MLLT3: variants seen among roughly 807,000 people sequenced by gnomAD.
MLLT3 encodes protein AF-9.
In MLLT3, 4 loss-of-function variants were observed where a neutral mutation model predicts 53.2. The ratio of observed to expected loss-of-function variants is 0.08; its 90% CI spans 0.04 to 0.17. The LOEUF is 0.17. Among genes scored for constraint, MLLT3 ranks in the 10% least tolerant of loss-of-function variants. MLLT3 has a pLI of 1.00. For missense variants in MLLT3, 569 were observed against 684.0 expected (o/e 0.83, Z 1.87); for synonymous variants, 283 against 230.6 (o/e 1.23, Z -2.06).
intron 2 of MLLT3, among the ~76,000 whole-genome samples, chr9:20,536,861 A>T (rs892866343): frequency 1.2e-4 from 19 of 152,148 alleles, no homozygotes; most frequent in African/African-American, 4.1e-4. Context: ...AAAAAAAAAA[A>T]AAAACTGCCA....
chr9:20,476,112 G>A (rs542197578), intron 2 of MLLT3, among the ~76,000 whole-genome samples: 1 of 152,004 alleles, frequency 6.6e-6, no homozygotes, highest in South Asian at 2.1e-4. Flanking sequence ...ACCCAGGCTG[G>A]AGTGCAGTCA....
At chr9:20,365,324 G>GT (rs147890170) in intron 6 of MLLT3, among the ~76,000 whole-genome samples, 3,433 of 151,206 alleles carry the variant, frequency 0.023, 124 homozygotes, top group African/African-American at 0.077. Context: ...CATTAAGATG[G>GT]TTTTTTTTTG....
intron 2 of MLLT3, among the ~76,000 whole-genome samples, chr9:20,476,814 T>C (rs1824532974): frequency 6.6e-6 from 1 of 152,142 alleles, no homozygotes; most frequent in Non-Finnish European, 1.5e-5. Flanking sequence ...ATAGAAATTG[T>C]TAAGAATGAT....
chr9:20,442,746 G>A (rs1353788532), intron 4 of MLLT3, among the ~76,000 whole-genome samples: 1 of 152,100 alleles, frequency 6.6e-6, no homozygotes, highest in Non-Finnish European at 1.5e-5. Flanking sequence ...AATTTCACTT[G>A]ACAATAAGCA....
At chr9:20,390,888 A>G (rs1822162484) in intron 5 of MLLT3, among the ~76,000 whole-genome samples, 1 of 152,200 alleles carries the variant, frequency 6.6e-6, no homozygotes, top group South Asian at 2.1e-4. Flanking sequence ...GGAAGTGAAA[A>G]TATCACTTGA....
intron 2 of MLLT3, among the ~76,000 whole-genome samples, chr9:20,567,847 T>C (rs970177244): frequency 6.6e-6 from 1 of 152,124 alleles, no homozygotes; most frequent in Non-Finnish European, 1.5e-5. Flanking sequence ...TTCATTCCAC[T>C]GGGGAGCAAG....
At chr9:20,528,368 A>G (rs1002911219) in intron 2 of MLLT3, among the ~76,000 whole-genome samples, 10 of 152,234 alleles carry the variant, frequency 6.6e-5, no homozygotes, top group African/African-American at 2.4e-4. Context: ...GCACACCGCC[A>G]AAACCCAACT....
intron 5 of MLLT3, among the ~76,000 whole-genome samples, chr9:20,375,333 A>G (rs1213011771): frequency 3.3e-5 from 5 of 152,214 alleles, no homozygotes; most frequent in African/African-American, 1.2e-4. Flanking sequence ...GAAAAAGGGC[A>G]ATTAATTTAA....
chr9:20,446,738 C>T (rs544856844), intron 4 of MLLT3, among the ~76,000 whole-genome samples: 1 of 152,194 alleles, frequency 6.6e-6, no homozygotes, highest in African/African-American at 2.4e-5. Context: ...CAAAACTATA[C>T]TCCTGATAAC....
intron 2 of MLLT3, among the ~76,000 whole-genome samples, chr9:20,470,494 A>C (rs1233110823): frequency 6.6e-6 from 1 of 152,060 alleles, no homozygotes; most frequent in Non-Finnish European, 1.5e-5. Flanking sequence ...CTAATGAACT[A>C]AGTAAATCAT....
Position 20,475,258 on chromosome 9 carries a change from C to A in MLLT3, c.194-18472G>T, listed in dbSNP as rs182442594. On this transcript the variant is annotated intron_variant, in intron 2 of 10. Transcript: ENST00000380338. ...TGACTGTTAACGACTGTGCTTTCTG[C>A]AGTAAATTTCTACAATGTGAAAGAG... Among the ~76,000 whole-genome samples, 219 of 152,164 alleles carry A rather than the reference C, an allele frequency of 1.4e-3. 2 individuals carry two copies. Among genetic ancestry groups the A allele is most frequent in the Middle Eastern group, 6.8e-3 (2 of 294 alleles).
intron 2 of MLLT3, among the ~76,000 whole-genome samples, chr9:20,548,592 T>A (rs931903262): frequency 3.3e-5 from 5 of 152,198 alleles, no homozygotes; most frequent in Non-Finnish European, 7.3e-5. Flanking sequence ...TGTGAAATTG[T>A]TCTAAAATCC....
At chr9:20,455,002 ATAACAAG>A (rs1432508035) in intron 3 of MLLT3, among the ~76,000 whole-genome samples, 2 of 152,258 alleles carry the variant, frequency 1.3e-5, no homozygotes, top group Non-Finnish European at 2.9e-5. Flanking sequence ...ATAATAGAAA[ATAACAAG>A]TAACAAGTAT....
rs144943533 is a variant in MLLT3 at position 20,579,706 on chromosome 9, T to G, written c.193+40948A>C. Among the ~76,000 whole-genome samples, 73 of 152,286 alleles carry G rather than the reference T, an allele frequency of 4.8e-4. 1 individual carries two copies. The East Asian group carries it at 0.012, about 25-fold the overall frequency. Reference sequence around the variant, plus strand: ...CTTGTGGTTAGGGTAAAAGAGCTCTTTGCTCTAACCCCACCCTTTTTACTC... The same window carrying G: ...CTTGTGGTTAGGGTAAAAGAGCTCTGTGCTCTAACCCCACCCTTTTTACTC... On this transcript the variant is annotated intron_variant, in intron 2 of 10. Transcript: ENST00000380338.
rs543124594 is a variant in MLLT3 at position 20,549,866 on chromosome 9, C to A, written c.193+70788G>T. Among the ~76,000 whole-genome samples, 6 of 152,346 alleles carry A rather than the reference C, an allele frequency of 3.9e-5. No homozygotes were observed. In the South Asian group the frequency reaches 1.0e-3, roughly 26 times the overall value. On this transcript the variant is annotated intron_variant, in intron 2 of 10. Coordinates refer to ENST00000380338, the MANE Select transcript of MLLT3 (RefSeq NM_004529.4). Reference sequence around the variant, plus strand: ...GTGACCACCATCTCTCTTCTTAGCACATGCGTGCAGAAAATCTAGTTCCAA... The same window carrying A: ...GTGACCACCATCTCTCTTCTTAGCAAATGCGTGCAGAAAATCTAGTTCCAA...
chr9:20,526,944 C>G (rs1375438999), intron 2 of MLLT3, among the ~76,000 whole-genome samples: 1 of 152,192 alleles, frequency 6.6e-6, no homozygotes, highest in African/African-American at 2.4e-5. Context: ...TACGAAGTGT[C>G]TGTTGAAGTC....
chr9:20,485,164 T>C lies in MLLT3; in HGVS notation c.194-28378A>G. Among the ~76,000 whole-genome samples the C allele has an allele frequency of 1.3e-5, 2 of 151,954 alleles. 1 individual carries two copies. The highest frequency in any genetic ancestry group is 2.9e-5 in the Non-Finnish European group (2 of 67,982). ...CCACCACGCCCAGCTAATTTTTGTA[T>C]TTTCAGTAGAGACGGGGTTTCACCA... is the stretch of plus-strand genomic sequence containing the variant. On this transcript the variant is annotated intron_variant, in intron 2 of 10. Coordinates refer to ENST00000380338, the MANE Select transcript of MLLT3 (RefSeq NM_004529.4).
At chr9:20,489,024 T>G (rs950779830) in intron 2 of MLLT3, among the ~76,000 whole-genome samples, 4 of 152,202 alleles carry the variant, frequency 2.6e-5, no homozygotes, top group African/African-American at 9.7e-5. Flanking sequence ...ATAGACATAT[T>G]TTTAGACAGT....
At chr9:20,436,592 T>C (rs1823410810) in intron 4 of MLLT3, among the ~76,000 whole-genome samples, 1 of 152,160 alleles carries the variant, frequency 6.6e-6, no homozygotes, top group African/African-American at 2.4e-5. Context: ...TTTGTCTTCT[T>C]TTCATTGCAT....
Sources: gnomAD v4.1 joint callset for allele counts (sites outside exome capture counted in the v4.1 genomes callset) on GRCh38, gnomAD v4.1.1 for gene constraint, MANE v1.5 for transcripts, NCBI Gene and HGNC (gene_info 2026-07-23, HGNC 2026-07-21) for gene names.